NEMP2: variants seen among roughly 807,000 people sequenced by gnomAD.
NEMP2 encodes UPF0571 transmembrane protein.
Under a neutral mutation model 54.2 loss-of-function variants are expected in NEMP2, and 53 were observed. The observed-to-expected ratio is 0.98, with a 90% CI of 0.78 to 1.23. The LOEUF is 1.23. Among genes scored for constraint, NEMP2 ranks in the 50% most tolerant of loss-of-function variants. The pLI, the probability that NEMP2 is intolerant of heterozygous loss-of-function variation, is 0.00. For missense variants in NEMP2, 455 were observed against 511.3 expected, an observed-to-expected ratio of 0.89 and a Z score of 1.06; for synonymous variants, 197 against 190.3, an observed-to-expected ratio of 1.04 and a Z score of -0.29.
At chr2:190,436,408 C>G in the NEMP2 span, 2 of 1,614,050 alleles carry the variant, frequency 1.2e-6, no homozygotes, top group Non-Finnish European at 1.7e-6. This position sits in a 1 kb window ranked among gnomAD's most constrained non-coding sequence, Gnocchi z 5.3. Context: ...AGTTGCAGAC[C>G]GCTTTAAAAA....
chr2:190,497,387 C>A, the NEMP2 span: 4 of 1,573,640 alleles, frequency 2.5e-6, no homozygotes, highest in South Asian at 3.4e-5. The surrounding 1 kb of genome is among the most constrained non-coding windows in gnomAD (Gnocchi z 5.2). Context: ...TACCTTTGTT[C>A]AAATATGTAG....
At chr2:190,463,061 A>T in the NEMP2 span, among the ~76,000 whole-genome samples, 1 of 152,178 alleles carries the variant, frequency 6.6e-6, no homozygotes, top group South Asian at 2.1e-4. The surrounding 1 kb of genome is among the most constrained non-coding windows in gnomAD (Gnocchi z 4.4). Context: ...GGACAAAAAA[A>T]GGGGAGAGAA....
At chr2:190,568,278 AAG>A in the NEMP2 span, among the ~76,000 whole-genome samples, 1 of 152,214 alleles carries the variant, frequency 6.6e-6, no homozygotes, top group Non-Finnish European at 1.5e-5. The surrounding 1 kb of genome is among the most constrained non-coding windows in gnomAD (Gnocchi z 4.7). Flanking sequence ...CAGCTCTAGT[AAG>A]GATGTCACTA....
the NEMP2 span, chr2:190,477,262 G>C: frequency 1.0e-6 from 1 of 983,794 alleles, no homozygotes; most frequent in Non-Finnish European, 1.2e-6. Context: ...CAATAACAAG[G>C]TAATATGCAA....
chr2:190,516,646 G>C (rs1348752539), intron 5 of NEMP2, among the ~76,000 whole-genome samples: 1 of 152,284 alleles, frequency 6.6e-6, no homozygotes, highest in East Asian at 1.9e-4. Flanking sequence ...TTCCCATCTA[G>C]CTTGCATGTA....
Position 190,519,464 on chromosome 2 carries a change from G to T in NEMP2, c.214-281C>A, listed in dbSNP as rs1690680007. Among the ~76,000 whole-genome samples, 1 of 152,136 alleles carries T rather than the reference G, an allele frequency of 6.6e-6. No individual in the cohort carries two copies. ...TCGAACTCCTGGGCTCAAGCTGTTT[G>T]CCTGCTTCAGCCTCCCAAAGTGCTG... On this transcript the variant is annotated intron_variant, in intron 2 of 8. Coordinates refer to ENST00000409150, the MANE Select transcript of NEMP2 (RefSeq NM_001142645.2). This position sits in a 1 kb window ranked among gnomAD's most constrained non-coding sequence, Gnocchi z 5.4.
At chr2:190,606,496 G>GAGGTC in the NEMP2 span, among the ~76,000 whole-genome samples, 1 of 152,258 alleles carries the variant, frequency 6.6e-6, no homozygotes, top group Non-Finnish European at 1.5e-5. Flanking sequence ...CAGATCACCT[G>GAGGTC]AGGTCAGGAG....
the NEMP2 span, among the ~76,000 whole-genome samples, chr2:190,486,398 C>G: frequency 6.6e-6 from 1 of 152,222 alleles, no homozygotes; most frequent in African/African-American, 2.4e-5. Flanking sequence ...AGTTTTCTCC[C>G]TATGATGCTA....
chr2:190,464,938 T>TTATA, the NEMP2 span: 1 of 981,446 alleles, frequency 1.0e-6, no homozygotes, highest in Non-Finnish European at 1.2e-6. Flanking sequence ...TTTAGCCATA[T>TTATA]TATAGTTGGT....
the NEMP2 span, among the ~76,000 whole-genome samples, chr2:190,582,426 T>C: frequency 1.3e-5 from 2 of 152,152 alleles, no homozygotes; most frequent in Non-Finnish European, 2.9e-5. The surrounding 1 kb of genome is among the most constrained non-coding windows in gnomAD (Gnocchi z 4.6). Flanking sequence ...CCACTGATAC[T>C]CCTTTTACAT....
the NEMP2 span, among the ~76,000 whole-genome samples, chr2:190,439,201 T>G: frequency 6.6e-6 from 1 of 152,058 alleles, no homozygotes; most frequent in African/African-American, 2.4e-5. This position sits in a 1 kb window ranked among gnomAD's most constrained non-coding sequence, Gnocchi z 5.8. Context: ...CAGTTAATAA[T>G]GTCTTTAAAA....
At chr2:190,467,005 T>C in the NEMP2 span, among the ~76,000 whole-genome samples, 1 of 152,246 alleles carries the variant, frequency 6.6e-6, no homozygotes, top group African/African-American at 2.4e-5. The surrounding 1 kb of genome is among the most constrained non-coding windows in gnomAD (Gnocchi z 5.5). Context: ...TTTTGGACTA[T>C]GGCCTGGATT....
At chr2:190,551,000 G>A in the NEMP2 span, among the ~76,000 whole-genome samples, 1 of 150,808 alleles carries the variant, frequency 6.6e-6, no homozygotes, top group Non-Finnish European at 1.5e-5. This position sits in a 1 kb window ranked among gnomAD's most constrained non-coding sequence, Gnocchi z 4.7. Context: ...TTGGCATAAA[G>A]TATTGTTGTA....
At chr2:190,463,169 A>G in the NEMP2 span, among the ~76,000 whole-genome samples, 1 of 152,238 alleles carries the variant, frequency 6.6e-6, no homozygotes, top group Non-Finnish European at 1.5e-5. The surrounding 1 kb of genome is among the most constrained non-coding windows in gnomAD (Gnocchi z 4.4). Flanking sequence ...CATGGAAGAT[A>G]GCTGGGAGGA....
chr2:190,465,923 G>A, the NEMP2 span, among the ~76,000 whole-genome samples: 5 of 152,258 alleles, frequency 3.3e-5, no homozygotes, highest in South Asian at 4.2e-4. The surrounding 1 kb of genome is among the most constrained non-coding windows in gnomAD (Gnocchi z 4.6). Context: ...AATCCGGGAG[G>A]CGGTGGTTAC....
At chr2:190,450,770 G>A in the NEMP2 span, among the ~76,000 whole-genome samples, 1 of 152,144 alleles carries the variant, frequency 6.6e-6, no homozygotes, top group African/African-American at 2.4e-5. Context: ...TGGGTTTATA[G>A]GCAATGAGCC....
At chr2:190,640,366 G>C in the NEMP2 span, among the ~76,000 whole-genome samples, 4 of 148,694 alleles carry the variant, frequency 2.7e-5, no homozygotes, top group Non-Finnish European at 4.5e-5. Context: ...GCAATGATGA[G>C]CCCCTAACCT....
At chr2:190,574,652 C>T in the NEMP2 span, among the ~76,000 whole-genome samples, 2 of 152,074 alleles carry the variant, frequency 1.3e-5, no homozygotes, top group Non-Finnish European at 2.9e-5. Context: ...GTCCCCCAAC[C>T]CTAGGTAGCT....
chr2:190,534,273 G>C, intron 1 of NEMP2: 1 of 1,148,366 alleles, frequency 8.7e-7, no homozygotes, highest in Non-Finnish European at 1.1e-6. Context: ...ACCTCTCTGA[G>C]TTTCGGTTGC....
Sources: gnomAD v4.1 joint callset for allele counts (sites outside exome capture counted in the v4.1 genomes callset) on GRCh38, gnomAD v4.1.1 for gene constraint, Gnocchi (gnomAD v3.1) non-coding constraint, MANE v1.5 for transcripts, NCBI Gene and HGNC (gene_info 2026-07-23, HGNC 2026-07-21) for gene names.